LINGO2: variants seen among roughly 807,000 people sequenced by gnomAD.
The protein encoded by LINGO2 is leucine-rich repeat and immunoglobulin-like domain-containing nogo receptor-interacting protein 2.
Under a neutral mutation model 30.6 loss-of-function variants are expected in LINGO2, and 14 were observed. The ratio of observed to expected loss-of-function variants is 0.46; its 90% CI spans 0.30 to 0.72. The LOEUF (loss-of-function observed/expected upper bound fraction) is 0.72, where lower values mean the gene tolerates loss of function less well. Among genes scored for constraint, LINGO2 ranks in the 30% least tolerant of loss-of-function variants. The probability of loss-of-function intolerance (pLI) is 0.07; values close to 1 mark genes in which losing one functional copy is unlikely to be tolerated. For missense variants in LINGO2, 729 were observed against 751.7 expected (o/e 0.97, Z 0.35); for synonymous variants, 317 against 288.5 (o/e 1.10, Z -1.00).
At chr9:28,788,724 A>G in the LINGO2 span, among the ~76,000 whole-genome samples, 1 of 152,134 alleles carries the variant, frequency 6.6e-6, no homozygotes, top group African/African-American at 2.4e-5. Context: ...TTGTAAAACC[A>G]TCAATCTCAT....
intron 4 of LINGO2, among the ~76,000 whole-genome samples, chr9:28,273,770 T>C (rs1823023797): frequency 6.6e-6 from 1 of 152,202 alleles, no homozygotes; most frequent in African/African-American, 2.4e-5. Flanking sequence ...GCAGTAGCTG[T>C]ACCTAAATGA....
intron 1 of LINGO2, among the ~76,000 whole-genome samples, chr9:28,547,809 A>C (rs1465958804): frequency 6.6e-6 from 1 of 152,146 alleles, no homozygotes; most frequent in Non-Finnish European, 1.5e-5. Flanking sequence ...ATACAGAGTG[A>C]ATGGTGAATA....
At chr9:28,708,071 C>T in the LINGO2 span, among the ~76,000 whole-genome samples, 1 of 152,082 alleles carries the variant, frequency 6.6e-6, no homozygotes, top group Non-Finnish European at 1.5e-5. Flanking sequence ...AAACAAAATT[C>T]ACAATTCTAA....
At chr9:28,963,276 A>C in the LINGO2 span, among the ~76,000 whole-genome samples, 223 of 152,024 alleles carry the variant, frequency 1.5e-3, no homozygotes, top group African/African-American at 5.0e-3. Flanking sequence ...ATTTAATTTT[A>C]ATTAACTTAA....
At chr9:28,699,689 T>C in the LINGO2 span, among the ~76,000 whole-genome samples, 2 of 152,082 alleles carry the variant, frequency 1.3e-5, no homozygotes, top group South Asian at 2.1e-4. Flanking sequence ...AGGGAAGATA[T>C]TGCTAAATTC....
At chr9:28,540,211 T>C (rs2090871) in intron 1 of LINGO2, among the ~76,000 whole-genome samples, 1 of 151,990 alleles carries the variant, frequency 6.6e-6, no homozygotes, top group South Asian at 2.1e-4. Flanking sequence ...TATACCATTT[T>C]TCAGTTCATT....
chr9:28,903,594 G>C, the LINGO2 span, among the ~76,000 whole-genome samples: 1 of 152,108 alleles, frequency 6.6e-6, no homozygotes, highest in African/African-American at 2.4e-5. Flanking sequence ...TCCTACTTCA[G>C]TCTCTGGAGT....
intron 5 of LINGO2, among the ~76,000 whole-genome samples, chr9:27,965,825 A>G (rs1487762870): frequency 6.6e-6 from 1 of 152,126 alleles, no homozygotes; most frequent in East Asian, 1.9e-4. Context: ...ATTACTAATT[A>G]AAGGGTAGTT....
intron 1 of LINGO2, among the ~76,000 whole-genome samples, chr9:28,516,648 G>A (rs543971391): frequency 6.6e-6 from 1 of 152,302 alleles, no homozygotes; most frequent in South Asian, 2.1e-4. Flanking sequence ...AAACCAAGGT[G>A]TAAAAACCAC....
the LINGO2 span, among the ~76,000 whole-genome samples, chr9:28,958,662 T>C: frequency 6.6e-6 from 1 of 151,790 alleles, no homozygotes; most frequent in Non-Finnish European, 1.5e-5. Context: ...TTTAGGCAGG[T>C]TAAACTGCTG....
chr9:28,092,761 C>G (rs1826133775), intron 4 of LINGO2, among the ~76,000 whole-genome samples: 1 of 151,854 alleles, frequency 6.6e-6, no homozygotes, highest in Non-Finnish European at 1.5e-5. Context: ...GCAGTTTTCA[C>G]TATCCAAAAC....
chr9:28,814,314 G>T, the LINGO2 span, among the ~76,000 whole-genome samples: 1 of 152,140 alleles, frequency 6.6e-6, no homozygotes, highest in African/African-American at 2.4e-5. Context: ...GTGCACGCCT[G>T]TAGTCCCAGC....
At chr9:27,986,487 T>C (rs1476905727) in intron 5 of LINGO2, among the ~76,000 whole-genome samples, 7 of 151,820 alleles carry the variant, frequency 4.6e-5, no homozygotes, top group Non-Finnish European at 8.8e-5. Flanking sequence ...GGGCACCATT[T>C]AGGAGTAGGG....
chr9:28,055,734 C>CA (rs1301499258), intron 4 of LINGO2, among the ~76,000 whole-genome samples: 6 of 152,168 alleles, frequency 3.9e-5, no homozygotes, highest in African/African-American at 1.4e-4. Context: ...GATATGTACT[C>CA]AAAGACAAGT....
At chr9:29,039,494 G>A in the LINGO2 span, among the ~76,000 whole-genome samples, 1 of 152,118 alleles carries the variant, frequency 6.6e-6, no homozygotes. Flanking sequence ...AAAGCTTACT[G>A]CCAACCATGG....
At position 28,299,093 on chromosome 9, in the gene LINGO2, T is replaced by C. The variant is rs76686767; in HGVS notation, c.-245-3727A>G. On this transcript the variant is annotated intron_variant, in intron 3 of 5. Transcript: ENST00000379992. ...TTTATAGGCTATTGATTTGCACTTG[T>C]TGACAAGTTGTTTTTTATACGTTAT... Among the ~76,000 whole-genome samples the C allele has an allele frequency of 1.3e-3, 201 of 152,286 alleles. 1 individual carries two copies. Among genetic ancestry groups the C allele is most frequent in the African/African-American group, 4.6e-3 (192 of 41,562 alleles).
At chr9:29,070,033 C>T in the LINGO2 span, among the ~76,000 whole-genome samples, 5 of 151,956 alleles carry the variant, frequency 3.3e-5, no homozygotes, top group Non-Finnish European at 7.4e-5. Flanking sequence ...TCATTGATTG[C>T]TCACTCTGTA....
intron 2 of LINGO2, among the ~76,000 whole-genome samples, chr9:28,460,475 G>C (rs1398407931): frequency 6.6e-6 from 1 of 152,034 alleles, no homozygotes. Flanking sequence ...GACTTTTAAA[G>C]TCCAGATTAT....
intron 4 of LINGO2, among the ~76,000 whole-genome samples, chr9:28,133,985 C>G (rs1827445307): frequency 1.3e-5 from 2 of 152,216 alleles, no homozygotes; most frequent in South Asian, 4.1e-4. Context: ...TAAATAATAC[C>G]ATCATCTACC....
Sources: gnomAD v4.1 joint callset for allele counts (sites outside exome capture counted in the v4.1 genomes callset) on GRCh38, gnomAD v4.1.1 for gene constraint, MANE v1.5 for transcripts, NCBI Gene and HGNC (gene_info 2026-07-23, HGNC 2026-07-21) for gene names.